SRGAP1: variants seen among roughly 807,000 people sequenced by gnomAD.
The protein encoded by SRGAP1 is SLIT-ROBO Rho GTPase activating protein 1, also known as SLIT-ROBO Rho GTPase-activating protein 1.
In SRGAP1, 43 loss-of-function variants were observed where a neutral mutation model predicts 121.9. The observed-to-expected ratio is 0.35, with a 90% CI of 0.28 to 0.46. SRGAP1 has a LOEUF of 0.46. Among genes scored for constraint, SRGAP1 ranks in the 20% least tolerant of loss-of-function variants. SRGAP1 has a pLI of 1.00. For missense variants in SRGAP1, 1,102 were observed against 1,350.9 expected (o/e 0.82, Z 2.89); for synonymous variants, 447 against 485.4 (o/e 0.92, Z 1.04).
intron 6 of SRGAP1, among the ~76,000 whole-genome samples, chr12:64,045,521 G>A (rs571287866): frequency 5.2e-4 from 78 of 151,130 alleles, no homozygotes; most frequent in Non-Finnish European, 8.8e-4. Flanking sequence ...CTGCAACCTC[G>A]GCCTCCCAGG....
chr12:63,848,591 C>G (rs574266355), intron 1 of SRGAP1, among the ~76,000 whole-genome samples: 1 of 151,728 alleles, frequency 6.6e-6, no homozygotes, highest in African/African-American at 2.4e-5. Flanking sequence ...GTCACCCAAG[C>G]TGGAGTGCAG....
At chr12:63,845,184 A>C (rs978751634) in intron 1 of SRGAP1, among the ~76,000 whole-genome samples, 19 of 152,212 alleles carry the variant, frequency 1.2e-4, no homozygotes, top group Admixed American at 3.3e-4. Flanking sequence ...TTATGTGGGA[A>C]GCAGGCAGCA....
At chr12:63,865,383 C>T (rs770487755) in intron 1 of SRGAP1, among the ~76,000 whole-genome samples, 24 of 152,120 alleles carry the variant, frequency 1.6e-4, no homozygotes, top group Middle Eastern at 6.8e-3. Context: ...GCAGGAGAAT[C>T]GCTTGAACCC....
intron 17 of SRGAP1, among the ~76,000 whole-genome samples, chr12:64,113,685 C>T (rs140374902): frequency 0.022 from 3,323 of 152,234 alleles, 58 homozygotes; most frequent in South Asian, 0.11. Flanking sequence ...ATTTCTTGAA[C>T]CCCTATTATA....
intron 4 of SRGAP1, among the ~76,000 whole-genome samples, chr12:64,034,207 G>A (rs543045425): frequency 0.14 from 20,524 of 151,956 alleles, 4,636 homozygotes; most frequent in African/African-American, 0.47. Flanking sequence ...CATCCTGCTC[G>A]TGCTGTCTCA....
chr12:63,954,688 A>AG (rs1309144435), intron 1 of SRGAP1, among the ~76,000 whole-genome samples: 6 of 130,220 alleles, frequency 4.6e-5, no homozygotes, highest in African/African-American at 5.7e-5. Flanking sequence ...AAAAAAAAAA[A>AG]AAAAGAAAAG....
chr12:64,023,499 C>T (rs1349729098), intron 4 of SRGAP1, among the ~76,000 whole-genome samples: 1 of 152,122 alleles, frequency 6.6e-6, no homozygotes, highest in Non-Finnish European at 1.5e-5. Flanking sequence ...TATTTCTTTA[C>T]TTTCTCTAGG....
At chr12:64,133,048 C>T (rs536625324) in intron 21 of SRGAP1, among the ~76,000 whole-genome samples, 1 of 152,182 alleles carries the variant, frequency 6.6e-6, no homozygotes, top group African/African-American at 2.4e-5. Flanking sequence ...GTTAAGCTTA[C>T]AATAATCCAC....
chr12:64,073,968 C>T (rs930272229), intron 8 of SRGAP1, among the ~76,000 whole-genome samples: 24 of 152,008 alleles, frequency 1.6e-4, no homozygotes, highest in African/African-American at 5.6e-4. Flanking sequence ...CTTATTGAAC[C>T]TTACATCATG....
At chr12:64,141,317 C>T (rs2136654050) in intron 21 of SRGAP1, among the ~76,000 whole-genome samples, 1 of 150,402 alleles carries the variant, frequency 6.6e-6, no homozygotes, top group South Asian at 2.1e-4. Context: ...CACGGTGGCT[C>T]ATGCCTGTAA....
intron 8 of SRGAP1, among the ~76,000 whole-genome samples, chr12:64,066,814 C>T (rs184652589): frequency 2.0e-5 from 3 of 152,312 alleles, no homozygotes; most frequent in Admixed American, 2.0e-4. Flanking sequence ...TTTGTCTAGG[C>T]TTCACAAAAT....
At chr12:63,913,239 C>G (rs999804921) in intron 1 of SRGAP1, among the ~76,000 whole-genome samples, 6 of 109,302 alleles carry the variant, frequency 5.5e-5, no homozygotes, top group Admixed American at 2.6e-4. Flanking sequence ...CAGGGTCTCA[C>G]TCTTGCCCAC....
intron 1 of SRGAP1, among the ~76,000 whole-genome samples, chr12:63,881,346 A>T (rs1270047060): frequency 6.6e-6 from 1 of 152,242 alleles, no homozygotes; most frequent in Admixed American, 6.5e-5. Context: ...TCACCTGCGT[A>T]ATAACAGTCA....
At chr12:64,042,738 T>C in intron 4 of SRGAP1, 52 bp from the exon 5 acceptor site, 1 of 1,455,928 alleles carries the variant, frequency 6.9e-7, no homozygotes, top group Admixed American at 1.7e-5. Flanking sequence ...TCCCATTCAC[T>C]CTCTAAATGA....
intron 18 of SRGAP1, among the ~76,000 whole-genome samples, chr12:64,119,788 T>TG (rs1592339631): frequency 1.3e-5 from 2 of 150,362 alleles, no homozygotes; most frequent in Non-Finnish European, 3.0e-5. Context: ...TTTTTTTTTT[T>TG]TGGCAGAGTT....
intron 17 of SRGAP1, 115 bp downstream of exon 17, chr12:64,112,101 A>G: frequency 7.7e-6 from 6 of 782,564 alleles, no homozygotes; most frequent in Non-Finnish European, 1.2e-5. Context: ...ACTTAAAAGG[A>G]AGAAGCAGTA....
chr12:64,055,541 G>A (rs939964301), intron 6 of SRGAP1, among the ~76,000 whole-genome samples: 10 of 150,940 alleles, frequency 6.6e-5, no homozygotes, highest in Non-Finnish European at 1.0e-4. Flanking sequence ...AGCCCGCATC[G>A]CCAAGTCAAT....
chr12:63,857,780 A>G (rs916115068), intron 1 of SRGAP1, among the ~76,000 whole-genome samples: 2 of 152,172 alleles, frequency 1.3e-5, no homozygotes, highest in Non-Finnish European at 2.9e-5. Context: ...ATAAATAAAG[A>G]TGATTTTATT....
chr12:64,020,462 GA>G (rs1237837041), intron 4 of SRGAP1, among the ~76,000 whole-genome samples: 8 of 150,030 alleles, frequency 5.3e-5, no homozygotes, highest in Middle Eastern at 3.4e-3. Context: ...TATTTGCTGG[GA>G]AAAAAAAAGA....
Sources: gnomAD v4.1 joint callset for allele counts (sites outside exome capture counted in the v4.1 genomes callset) on GRCh38, gnomAD v4.1.1 for gene constraint, MANE v1.5 for transcripts, NCBI Gene and HGNC (gene_info 2026-07-23, HGNC 2026-07-21) for gene names.